DOCK5: variants seen among roughly 807,000 people sequenced by gnomAD.
DOCK5 encodes the protein dedicator of cytokinesis protein 5.
A neutral mutation model predicts 251.8 loss-of-function variants in DOCK5; 142 were observed. The ratio of observed to expected loss-of-function variants is 0.56; its 90% CI spans 0.49 to 0.65. The LOEUF is 0.65. Among genes scored for constraint, DOCK5 ranks in the 30% least tolerant of loss-of-function variants. The pLI, the probability that DOCK5 is intolerant of heterozygous loss-of-function variation, is 0.00. For missense variants in DOCK5, 2,111 were observed against 2,312.3 expected (o/e 0.91, Z 1.79); for synonymous variants, 842 against 835.5 (o/e 1.01, Z -0.13).
chr8:25,327,606 T>C (rs1377487598), intron 18 of DOCK5, among the ~76,000 whole-genome samples: 3 of 152,232 alleles, frequency 2.0e-5, no homozygotes, highest in Non-Finnish European at 4.4e-5. Context: ...GTTCTCAATG[T>C]AGACCCTTCG....
chr8:25,410,588 A>G (rs916938739), intron 51 of DOCK5, among the ~76,000 whole-genome samples: 3 of 151,904 alleles, frequency 2.0e-5, no homozygotes, highest in Admixed American at 6.6e-5. Context: ...TGGCCTCTCA[A>G]TTAGCTGGGA....
Position 25,210,596 on chromosome 8 carries a change from C to T in DOCK5, c.43+25645C>T, listed in dbSNP as rs796737656. Among the ~76,000 whole-genome samples the T allele has an allele frequency of 1.4e-4, 10 of 70,066 alleles. 2 individuals carry two copies. Among genetic ancestry groups the T allele is most frequent in the African/African-American group, 3.2e-4 (10 of 30,908 alleles). The allele number at this position is 70,066 out of a possible 152,430, so 46.0% of individuals were successfully genotyped here. A position where few individuals can be genotyped will look rare whatever the true frequency, so the allele number is the denominator to read the frequency against. On this transcript the variant is annotated intron_variant, in intron 1 of 51. Transcript: ENST00000276440. ...TGCCCAACATGGAGAAACCCCATCTCTACTGAAAAATACAAAAATTAGCCA... is the reference window on the plus strand; with the variant it reads ...TGCCCAACATGGAGAAACCCCATCTTTACTGAAAAATACAAAAATTAGCCA...
At chr8:25,238,257 C>T (rs1477040574) in intron 1 of DOCK5, among the ~76,000 whole-genome samples, 5 of 152,208 alleles carry the variant, frequency 3.3e-5, no homozygotes, top group Admixed American at 3.3e-4. Context: ...GATGAATAGA[C>T]CAGCTTTATA....
At chr8:25,251,467 T>C (rs2117562155) in intron 2 of DOCK5, among the ~76,000 whole-genome samples, 1 of 152,352 alleles carries the variant, frequency 6.6e-6, no homozygotes, top group Non-Finnish European at 1.5e-5. Flanking sequence ...ATTTCTTCTA[T>C]ATAGAAGAAG....
chr8:25,193,521 G>A (rs1801639262), intron 1 of DOCK5, among the ~76,000 whole-genome samples: 1 of 152,056 alleles, frequency 6.6e-6, no homozygotes, highest in South Asian at 2.1e-4. Flanking sequence ...AGCACTTTGG[G>A]AGACTGAAAC....
chr8:25,196,979 G>T (rs894994748), intron 1 of DOCK5, among the ~76,000 whole-genome samples: 1 of 152,054 alleles, frequency 6.6e-6, no homozygotes, highest in Non-Finnish European at 1.5e-5. Flanking sequence ...CTGGAGGATT[G>T]CTTGAGCCCA....
chr8:25,192,669 C>T (rs1434626311), intron 1 of DOCK5, among the ~76,000 whole-genome samples: 2 of 152,082 alleles, frequency 1.3e-5, no homozygotes, highest in Non-Finnish European at 2.9e-5. Context: ...CCATGCCTGG[C>T]TAATTTTTGT....
At position 25,332,240 on chromosome 8, in the gene DOCK5, G is replaced by A; in HGVS notation, c.1904-11G>A. 2.5e-6 allele frequency: 4 copies of A among 1,608,688 alleles called. No homozygotes were observed. Among genetic ancestry groups the A allele is most frequent in the Non-Finnish European group, 2.6e-6 (3 of 1,175,346 alleles). Reference sequence around the variant, plus strand: ...TCACCTGTATCTAATGTTTGTGGTTGTTCTTCCTAGTTGACCTGTTAGGCT... The same window carrying A: ...TCACCTGTATCTAATGTTTGTGGTTATTCTTCCTAGTTGACCTGTTAGGCT... On this transcript the variant is annotated splice_polypyrimidine_tract_variant and intron_variant, in intron 18 of 51. Coordinates refer to ENST00000276440, the MANE Select transcript of DOCK5 (RefSeq NM_024940.8).
intron 5 of DOCK5, among the ~76,000 whole-genome samples, chr8:25,286,163 A>G (rs1196037541): frequency 6.6e-6 from 1 of 152,148 alleles, no homozygotes; most frequent in East Asian, 1.9e-4. Context: ...GTGTAGCTCA[A>G]GAACACAGAA....
Position 25,395,733 on chromosome 8 carries a change from C to A in DOCK5, c.4704+14C>A. 1.9e-6 allele frequency: 3 copies of A among 1,608,886 alleles called. No homozygotes were observed. The highest frequency in any genetic ancestry group is 1.1e-5 in the South Asian group (1 of 88,644). ...AACTATGAAAAGGTTCGCTTGGTCC[C>A]AGAATCCCCTAGGGATTCACAGACC... On this transcript the variant is annotated intron_variant, in intron 45 of 51. Coordinates refer to ENST00000276440, the MANE Select transcript of DOCK5 (RefSeq NM_024940.8).
chr8:25,401,154 T>C (rs1365339140), intron 47 of DOCK5, 88 bp downstream of exon 47: 1 of 1,534,450 alleles, frequency 6.5e-7, no homozygotes, highest in African/African-American at 1.4e-5. Context: ...GCCAAGTGAG[T>C]TGTAATAACT....
At chr8:25,390,015 A>G (rs1801229501) in intron 41 of DOCK5, among the ~76,000 whole-genome samples, 191 bp from the exon 42 acceptor site, 2 of 149,752 alleles carry the variant, frequency 1.3e-5, no homozygotes, top group Admixed American at 6.7e-5. Flanking sequence ...AGGATTAATT[A>G]TAATCACTGA....
chr8:25,247,195 G>A (rs956698218), intron 2 of DOCK5, among the ~76,000 whole-genome samples: 9 of 152,152 alleles, frequency 5.9e-5, no homozygotes, highest in African/African-American at 2.2e-4. Flanking sequence ...TGGCCCAGGT[G>A]ATACCTTTAA....
intron 1 of DOCK5, among the ~76,000 whole-genome samples, chr8:25,200,347 C>A (rs1288172948): frequency 6.6e-6 from 1 of 152,196 alleles, no homozygotes; most frequent in Non-Finnish European, 1.5e-5. Flanking sequence ...ATACCAAAAA[C>A]ATGGAAACTC....
intron 45 of DOCK5, 57 bp from the exon 46 acceptor site, chr8:25,399,854 C>G: frequency 7.2e-7 from 1 of 1,389,682 alleles, no homozygotes; most frequent in African/African-American, 1.4e-5. Context: ...CCCTTCCAGG[C>G]TTTCCTGCAC....
At chr8:25,264,388 A>C (rs1339158455) in intron 2 of DOCK5, among the ~76,000 whole-genome samples, 1 of 151,358 alleles carries the variant, frequency 6.6e-6, no homozygotes, top group Non-Finnish European at 1.5e-5. Context: ...AACAACAAAA[A>C]AAACCTCATC....
At chr8:25,320,760 C>T (rs558443546) in intron 15 of DOCK5, among the ~76,000 whole-genome samples, 2 of 152,326 alleles carry the variant, frequency 1.3e-5, no homozygotes, top group East Asian at 1.9e-4. Flanking sequence ...TAGAAATTCA[C>T]AGTATCCCTA....
chr8:25,378,941 A>T (rs960549529), intron 38 of DOCK5, among the ~76,000 whole-genome samples: 13 of 152,198 alleles, frequency 8.5e-5, no homozygotes, highest in Admixed American at 5.2e-4. Flanking sequence ...TAGGACCGTG[A>T]TGCCCACCTG....
Position 25,374,720 on chromosome 8 carries a change from A to G in DOCK5, c.3816+66A>G, listed in dbSNP as rs562959810. The stretch of plus-strand genomic sequence containing the variant: ...AGTGTCCTTTCAGACTAAATTCTAT[A>G]CATTTCATGATTTTGATGGGAAAGA... On this transcript the variant is annotated intron_variant, in intron 37 of 51. Coordinates refer to ENST00000276440, the MANE Select transcript of DOCK5 (RefSeq NM_024940.8). The G allele has an allele frequency of 3.1e-6, 5 of 1,612,458 alleles. No homozygotes were observed. In the Admixed American group the frequency reaches 6.7e-5, roughly 22 times the overall value.
Sources: allele counts gnomAD v4.1 joint callset (sites outside exome capture counted in the v4.1 genomes callset), GRCh38; gene constraint gnomAD v4.1.1; transcripts MANE v1.5; gene names NCBI Gene and HGNC (gene_info 2026-07-23, HGNC 2026-07-21).